The following MAST4 variants were observed in gnomAD, a reference collection of about 807,000 sequenced individuals.
MAST4 encodes the protein microtubule associated serine/threonine kinase family member 4, also known as microtubule-associated serine/threonine-protein kinase 4.
A neutral mutation model predicts 162.7 loss-of-function variants in MAST4; 89 were observed. The observed-to-expected ratio is 0.55, with a 90% confidence interval of 0.46 to 0.65. The LOEUF is 0.65. Ranked by LOEUF, MAST4 falls within the 30% of genes least tolerant of loss-of-function variation. MAST4 has a pLI of 0.00. For missense variants in MAST4, 3,153 were observed against 3,374.0 expected, an observed-to-expected ratio of 0.93 and a Z score of 1.62; for synonymous variants, 1,479 against 1,361.1, an observed-to-expected ratio of 1.09 and a Z score of -1.91.
intron 1 of MAST4, among the ~76,000 whole-genome samples, chr5:66,618,247 G>A (rs757750703): frequency 2.6e-5 from 4 of 152,232 alleles, no homozygotes; most frequent in Non-Finnish European, 5.9e-5. Context: ...CTCACAGCAA[G>A]TCTGAGGGTG....
At chr5:66,775,594 A>C (rs1754561629) in intron 2 of MAST4, among the ~76,000 whole-genome samples, 1 of 152,188 alleles carries the variant, frequency 6.6e-6, no homozygotes, top group Non-Finnish European at 1.5e-5. Context: ...TGTTTTGTGA[A>C]GCAATTGGCG....
chr5:66,766,419 G>A (rs1167943176), intron 2 of MAST4, among the ~76,000 whole-genome samples: 2 of 152,108 alleles, frequency 1.3e-5, no homozygotes, highest in East Asian at 1.9e-4. Context: ...GAATCATGAC[G>A]TTCTATCTTG....
intron 3 of MAST4, among the ~76,000 whole-genome samples, chr5:66,849,645 ACTGCCTCTTGC>A (rs1404829566): frequency 6.6e-6 from 1 of 152,174 alleles, no homozygotes; most frequent in African/African-American, 2.4e-5. Context: ...AATCTGTGGA[ACTGCCTCTTGC>A]CTGTCTCTTT....
At chr5:67,015,838 T>C (rs1753225231) in intron 4 of MAST4, among the ~76,000 whole-genome samples, 1 of 152,220 alleles carries the variant, frequency 6.6e-6, no homozygotes, top group Non-Finnish European at 1.5e-5. Flanking sequence ...CTTTTACTGC[T>C]TTGGGAGCTT....
At chr5:67,080,262 A>T (rs779113056) in intron 5 of MAST4, among the ~76,000 whole-genome samples, 8 of 152,220 alleles carry the variant, frequency 5.3e-5, no homozygotes, top group Non-Finnish European at 1.2e-4. Flanking sequence ...TGATTTAAAA[A>T]TTTTAAATAT....
intron 1 of MAST4, among the ~76,000 whole-genome samples, chr5:66,721,756 T>A (rs10065094): frequency 6.6e-6 from 1 of 151,300 alleles, no homozygotes; most frequent in African/African-American, 2.4e-5. Context: ...TCCAACTTAA[T>A]CTGTGTTCTG....
intron 4 of MAST4, among the ~76,000 whole-genome samples, chr5:66,980,632 G>A (rs1748680269): frequency 6.6e-6 from 1 of 152,190 alleles, no homozygotes. Flanking sequence ...GTCCTTTTTA[G>A]TATGGTTCAA....
In MAST4 at chr5:67,166,474, A is replaced by G. The variant is rs1344182623; in HGVS notation, c.7295A>G (p.Asp2432Gly). ...CCCCAGAAGCCACCGACGGAGGCAG[A>G]CAAGCCCAATGGCATGAAACGGTCC... ...PGPQKPPTEADKPNGMKRSPS... is the reference protein window; with the variant it reads ...PGPQKPPTEAGKPNGMKRSPS... The change falls in exon 29 of 29, where the codon GAC becomes GGC. Residue 2432 changes from aspartate to glycine, a missense_variant. Asp to Gly is a moderately conservative substitution (Grantham distance 94, BLOSUM62 -1). Transcript: ENST00000403625. 2 of 1,603,598 alleles carry G rather than the reference A, an allele frequency of 1.2e-6. No individual in the cohort carries two copies. The highest frequency in any genetic ancestry group is 2.2e-5 in the South Asian group (2 of 89,262).
At chr5:67,159,936 T>A (rs533398253) in intron 26 of MAST4, among the ~76,000 whole-genome samples, 2 of 152,314 alleles carry the variant, frequency 1.3e-5, no homozygotes, top group African/African-American at 2.4e-5. Flanking sequence ...GTTTTGTTAC[T>A]CTACAATTTT....
intron 4 of MAST4, among the ~76,000 whole-genome samples, chr5:66,963,010 T>G (rs1746202173): frequency 6.6e-6 from 1 of 151,304 alleles, no homozygotes; most frequent in East Asian, 1.9e-4. Context: ...CACACTGTGA[T>G]GAATATTTGA....
chr5:66,965,593 G>A (rs1321739191), intron 4 of MAST4, among the ~76,000 whole-genome samples: 7 of 127,426 alleles, frequency 5.5e-5, no homozygotes, highest in Non-Finnish European at 1.7e-5. Context: ...GGGGCGGGGG[G>A]GGGGGCGGTG....
chr5:67,089,549 T>C (rs1763608877), intron 5 of MAST4, among the ~76,000 whole-genome samples: 1 of 152,180 alleles, frequency 6.6e-6, no homozygotes, highest in African/African-American at 2.4e-5. Flanking sequence ...CAACGGGTAA[T>C]CCTGCTGAGC....
rs1238385048 is a variant in MAST4 at position 66,801,039 on chromosome 5, C to G, written c.642+12245C>G. 2.0e-5 allele frequency among the ~76,000 whole-genome samples: 3 copies of G among 152,184 alleles called. No individual in the cohort carries two copies. The East Asian group carries it at 5.8e-4, about 29-fold the overall frequency. On this transcript the variant is annotated intron_variant, in intron 3 of 28. Transcript: ENST00000403625. ...CTTTGTCAAATTTGGCTATCATTTG[C>G]CCAGGTGTAACAAAGTTAGAAGATG...
At chr5:66,860,378 T>C (rs1760009985) in intron 3 of MAST4, among the ~76,000 whole-genome samples, 1 of 152,216 alleles carries the variant, frequency 6.6e-6, no homozygotes, top group Non-Finnish European at 1.5e-5. Flanking sequence ...TGCAATTTTA[T>C]TGAGGCAATA....
intron 4 of MAST4, among the ~76,000 whole-genome samples, chr5:66,926,148 T>A (rs1764874707): frequency 6.6e-6 from 1 of 152,222 alleles, no homozygotes; most frequent in African/African-American, 2.4e-5. Flanking sequence ...TAGATGACTA[T>A]GCAAATTATT....
At chr5:66,702,312 C>T (rs4293868) in intron 1 of MAST4, among the ~76,000 whole-genome samples, 32,132 of 152,030 alleles carry the variant, frequency 0.21, 3,906 homozygotes, top group Admixed American at 0.31. Flanking sequence ...GAACTTTCTA[C>T]GGGCAGGCTC....
At chr5:66,602,747 A>G (rs929747581) in intron 1 of MAST4, among the ~76,000 whole-genome samples, 1 of 152,088 alleles carries the variant, frequency 6.6e-6, no homozygotes, top group African/African-American at 2.4e-5. Context: ...CTTACATTCT[A>G]TAGTGTTGCC....
chr5:66,668,955 T>C (rs13190235), intron 1 of MAST4, among the ~76,000 whole-genome samples: 18,423 of 152,106 alleles, frequency 0.12, 1,249 homozygotes, highest in East Asian at 0.27. Flanking sequence ...ATCTCAAAAC[T>C]ACCCTAGACT....
intron 1 of MAST4, among the ~76,000 whole-genome samples, chr5:66,606,553 AG>A (rs1208859341): frequency 6.6e-6 from 1 of 152,170 alleles, no homozygotes; most frequent in Non-Finnish European, 1.5e-5. Context: ...CTGTTTTTGG[AG>A]GTTTGTGCTG....
Sources: allele counts gnomAD v4.1 joint callset (sites outside exome capture counted in the v4.1 genomes callset), GRCh38; gene constraint gnomAD v4.1.1; transcripts MANE v1.5; gene names NCBI Gene and HGNC (gene_info 2026-07-23, HGNC 2026-07-21).